The following HSDL2 variants were observed in gnomAD, a reference collection of about 807,000 sequenced individuals.
The protein encoded by HSDL2 is hydroxysteroid dehydrogenase like 2.
Under a neutral mutation model 46.3 loss-of-function variants are expected in HSDL2, and 27 were observed. That is an observed-to-expected ratio of 0.58 (90% CI 0.43 to 0.80). The LOEUF (loss-of-function observed/expected upper bound fraction) is 0.80, where lower values mean the gene tolerates loss of function less well. HSDL2 is among the 30% of genes least tolerant of loss of function. HSDL2 has a pLI of 0.00. For synonymous variants in HSDL2, 153 were observed against 163.6 expected, an observed-to-expected ratio of 0.94 and a Z score of 0.50; for missense variants, 451 against 502.7, an observed-to-expected ratio of 0.90 and a Z score of 0.98.
intron 6 of HSDL2, among the ~76,000 whole-genome samples, chr9:112,427,894 C>G (rs1056925316): frequency 5.3e-5 from 8 of 152,130 alleles, no homozygotes; most frequent in Non-Finnish European, 1.0e-4. Flanking sequence ...GGGGATACTT[C>G]TTTGGCCTTT....
chr9:112,470,992 TC>T lies in HSDL2; in HGVS notation c.*449del, dbSNP rs1331929215. On this transcript the variant is annotated 3_prime_UTR_variant, in exon 11 of 11. Coordinates refer to ENST00000398805, the MANE Select transcript of HSDL2 (RefSeq NM_032303.5). ...TTTTATATACTTATTTTAAAGAAAATCTTATATAGTACATTTTACAAAAATT... is the reference window on the plus strand; with the variant it reads ...TTTTATATACTTATTTTAAAGAAAATTTATATAGTACATTTTACAAAAATT... 1 of 152,278 alleles carries T rather than the reference TC, an allele frequency of 6.6e-6. No individual in the cohort carries two copies. The highest frequency in any genetic ancestry group is 6.5e-5 in the Admixed American group (1 of 15,270). The allele number at this position is 152,278 out of a possible 1,614,324, so 9.4% of individuals were successfully genotyped here. A position where few individuals can be genotyped will look rare whatever the true frequency, so the allele number is the denominator to read the frequency against.
At chr9:112,397,457 C>CA (rs1413369931) in intron 1 of HSDL2, among the ~76,000 whole-genome samples, 1 of 152,004 alleles carries the variant, frequency 6.6e-6, no homozygotes, top group Admixed American at 6.6e-5. Context: ...GTAATTTAGC[C>CA]AAAAAATCAG....
intron 8 of HSDL2, among the ~76,000 whole-genome samples, chr9:112,452,777 G>A (rs1832918223): frequency 6.6e-6 from 1 of 152,026 alleles, no homozygotes; most frequent in African/African-American, 2.4e-5. Flanking sequence ...CAGTATTGGG[G>A]GGCAGCATCA....
chr9:112,414,365 A>G (rs1831944039), intron 4 of HSDL2, among the ~76,000 whole-genome samples: 1 of 152,234 alleles, frequency 6.6e-6, no homozygotes, highest in Admixed American at 6.5e-5. Context: ...CAAGTAAGTA[A>G]AATAATTCAT....
intron 6 of HSDL2, among the ~76,000 whole-genome samples, chr9:112,434,841 T>C (rs1364321108): frequency 1.3e-5 from 2 of 152,236 alleles, no homozygotes; most frequent in Non-Finnish European, 2.9e-5. Context: ...CAGGCAGTAA[T>C]CTCTTAGCTG....
chr9:112,437,426 A>C (rs1175531845), intron 6 of HSDL2, among the ~76,000 whole-genome samples: 1 of 152,062 alleles, frequency 6.6e-6, no homozygotes. Context: ...ATATTTGTAC[A>C]TCTCAGATAC....
At chr9:112,445,635 C>T (rs1406522283) in intron 8 of HSDL2, among the ~76,000 whole-genome samples, 1 of 152,106 alleles carries the variant, frequency 6.6e-6, no homozygotes, top group East Asian at 1.9e-4. Flanking sequence ...AGCAATTCTC[C>T]TTCCTCAGCC....
At chr9:112,401,119 G>A (rs1831581144) in intron 1 of HSDL2, among the ~76,000 whole-genome samples, 1 of 151,968 alleles carries the variant, frequency 6.6e-6, no homozygotes, top group Admixed American at 6.6e-5. Flanking sequence ...TTTTTAATGA[G>A]TTTACCAGGA....
At chr9:112,429,871 C>T (rs934669660) in intron 6 of HSDL2, among the ~76,000 whole-genome samples, 4 of 152,004 alleles carry the variant, frequency 2.6e-5, no homozygotes, top group East Asian at 1.9e-4. Context: ...GCAGGCCGAT[C>T]GCTGGAGCCC....
At chr9:112,444,170 CATATAG>C (rs1472347261) in intron 8 of HSDL2, among the ~76,000 whole-genome samples, 1 of 152,168 alleles carries the variant, frequency 6.6e-6, no homozygotes, top group Non-Finnish European at 1.5e-5. Context: ...TTAATATACT[CATATAG>C]ATAGTAGCCT....
chr9:112,435,097 T>C lies in HSDL2; in HGVS notation c.599-3334T>C, dbSNP rs1354812602. On this transcript the variant is annotated intron_variant, in intron 6 of 10. Coordinates refer to ENST00000398805, the MANE Select transcript of HSDL2 (RefSeq NM_032303.5). ...GGGTTAGCTTGTTGGCATTGCAAAA[T>C]CTGTGTTGAGAAATACTCAATGGCC... 2.6e-5 allele frequency among the ~76,000 whole-genome samples: 4 copies of C among 152,214 alleles called. No individual in the cohort carries two copies. The East Asian group carries it at 7.7e-4, about 29-fold the overall frequency.
At chr9:112,415,872 G>GGTGGATA (rs1259337800) in intron 4 of HSDL2, among the ~76,000 whole-genome samples, 5 of 152,140 alleles carry the variant, frequency 3.3e-5, no homozygotes, top group Non-Finnish European at 7.4e-5. Flanking sequence ...ATGTATCTTG[G>GGTGGATA]CGGAGCGTGG....
At chr9:112,401,554 C>A (rs951369501) in intron 1 of HSDL2, among the ~76,000 whole-genome samples, 1 of 149,278 alleles carries the variant, frequency 6.7e-6, no homozygotes, top group Non-Finnish European at 1.5e-5. Flanking sequence ...TCATCTGTAA[C>A]AATCAATCTT....
chr9:112,422,563 G>A (rs1172891464), intron 6 of HSDL2, among the ~76,000 whole-genome samples: 1 of 152,148 alleles, frequency 6.6e-6, no homozygotes, highest in African/African-American at 2.4e-5. Flanking sequence ...AAGTATCTCA[G>A]AAGAGCAGAA....
chr9:112,420,946 A>C (rs1057018089), intron 6 of HSDL2, among the ~76,000 whole-genome samples: 1 of 120,796 alleles, frequency 8.3e-6, no homozygotes, highest in African/African-American at 3.1e-5. Context: ...GAGCGCTGGT[A>C]ATTTTTTTTT....
Position 112,439,555 on chromosome 9 carries a change from C to T in HSDL2, c.793+930C>T, listed in dbSNP as rs114824619. 8.0e-3 allele frequency among the ~76,000 whole-genome samples: 1,210 copies of T among 152,186 alleles called. 13 individuals carry two copies. Among genetic ancestry groups the T allele is most frequent in the African/African-American group, 0.027 (1,126 of 41,530 alleles). ...AGAATATGATGTATTCTAATATAGCCATACATAGGAGTTATATTTATTTGC... is the reference window on the plus strand; with the variant it reads ...AGAATATGATGTATTCTAATATAGCTATACATAGGAGTTATATTTATTTGC... On this transcript the variant is annotated intron_variant, in intron 7 of 10. Coordinates refer to ENST00000398805, the MANE Select transcript of HSDL2 (RefSeq NM_032303.5).
intron 1 of HSDL2, among the ~76,000 whole-genome samples, chr9:112,392,984 T>C (rs6477925): frequency 0.48 from 72,665 of 152,070 alleles, 17,773 homozygotes; most frequent in Admixed American, 0.55. Flanking sequence ...CCAGACTTCC[T>C]GTAACATCTC....
intron 1 of HSDL2, among the ~76,000 whole-genome samples, chr9:112,398,260 C>A (rs1440816799): frequency 6.6e-6 from 1 of 151,754 alleles, no homozygotes; most frequent in Non-Finnish European, 1.5e-5. Context: ...AAATGAGGGA[C>A]CGAAATGACA....
chr9:112,383,325 G>A (rs1005700421), intron 1 of HSDL2, among the ~76,000 whole-genome samples: 4 of 151,876 alleles, frequency 2.6e-5, no homozygotes, highest in African/African-American at 7.3e-5. Flanking sequence ...CTCCTGACTC[G>A]GCATCCCAAC....
Sources: gnomAD v4.1 joint callset for allele counts (sites outside exome capture counted in the v4.1 genomes callset) on GRCh38, gnomAD v4.1.1 for gene constraint, MANE v1.5 for transcripts, NCBI Gene and HGNC (gene_info 2026-07-23, HGNC 2026-07-21) for gene names.